GPR155: variants seen among roughly 807,000 people sequenced by gnomAD.
The protein encoded by GPR155 is lysosomal cholesterol signaling protein.
GPR155 carries 65 observed loss-of-function variants against 93.1 expected under a neutral mutation model. The ratio of observed to expected loss-of-function variants is 0.70; its 90% CI spans 0.57 to 0.86. The LOEUF is 0.86. Ranked by LOEUF, GPR155 falls within the 40% of genes least tolerant of loss-of-function variation. The pLI is 0.00. For synonymous variants in GPR155, 319 were observed against 360.1 expected (o/e 0.89, Z 1.29); for missense variants, 838 against 1,034.8 (o/e 0.81, Z 2.61).
intron 4 of GPR155, 132 bp downstream of exon 4, chr2:174,470,258 G>A: frequency 1.3e-5 from 9 of 713,044 alleles, no homozygotes; most frequent in Non-Finnish European, 2.0e-5. Context: ...AACCAGCCTG[G>A]GGCAACATAG....
In GPR155 at chr2:174,433,795, CTG is replaced by C. The variant is rs1168854428; in HGVS notation, c.*2319_*2320del. On this transcript the variant is annotated 3_prime_UTR_variant, in exon 16 of 16. Coordinates refer to ENST00000392552, the MANE Select transcript of GPR155 (RefSeq NM_152529.7). ...ATCTTGGACTTCACAGCCTCCAAAA[CTG>C]TGAGAAATAAGTTTATGTTGTTTAT... 6.6e-6 allele frequency: 1 copy of C among 152,106 alleles called. No individual in the cohort carries two copies. The highest frequency in any genetic ancestry group is 2.4e-5 in the African/African-American group (1 of 41,402). 9.4% of individuals were successfully genotyped at this position (152,106 alleles called of 1,614,324 possible). A position where few individuals can be genotyped will look rare whatever the true frequency, so the allele number is the denominator to read the frequency against.
rs150606678 is a variant in GPR155, at chr2:174,482,351, G to A, written c.-31-364C>T. The stretch of plus-strand genomic sequence containing the variant: ...TGATTCTCTCCATCAATTGAGCTCC[G>A]CCTGGTGGATAAGGGCATCGGGCAC... On this transcript the variant is annotated intron_variant, in intron 1 of 15. Coordinates refer to ENST00000392552, the MANE Select transcript of GPR155 (RefSeq NM_152529.7). Among the ~76,000 whole-genome samples, 1,151 of 152,196 alleles carry A rather than the reference G, an allele frequency of 7.6e-3. 14 individuals carry two copies. Among genetic ancestry groups the A allele is most frequent in the African/African-American group, 0.026 (1,065 of 41,526 alleles).
At chr2:174,460,154 AT>A (rs11385015) in intron 9 of GPR155, 66 bp from the exon 10 acceptor site, 85,240 of 392,520 alleles carry the variant, frequency 0.22, 826 homozygotes, top group Middle Eastern at 0.26. Flanking sequence ...CTTAGGGCAC[AT>A]TTTTTTTTTT....
At chr2:174,462,530 A>T (rs1258492115) in intron 7 of GPR155, among the ~76,000 whole-genome samples, 5 of 152,190 alleles carry the variant, frequency 3.3e-5, no homozygotes, top group African/African-American at 1.2e-4. Context: ...GCTGGTCTTG[A>T]ACTGCTGGCC....
intron 11 of GPR155, among the ~76,000 whole-genome samples, chr2:174,448,033 C>G (rs766762859): frequency 5.9e-5 from 9 of 151,980 alleles, no homozygotes; most frequent in Non-Finnish European, 1.2e-4. Context: ...GCCTTAACCC[C>G]TGCCTTTCAC....
intron 11 of GPR155, among the ~76,000 whole-genome samples, chr2:174,449,868 C>T (rs1405971439): frequency 2.6e-5 from 4 of 152,010 alleles, no homozygotes; most frequent in Non-Finnish European, 4.4e-5. Context: ...CCCAGCTACT[C>T]GGGAGGCTGA....
intron 5 of GPR155, among the ~76,000 whole-genome samples, 192 bp downstream of exon 5, chr2:174,468,720 C>T (rs1230353901): frequency 6.6e-6 from 1 of 152,178 alleles, no homozygotes; most frequent in Non-Finnish European, 1.5e-5. Context: ...CATGTCTTGT[C>T]TGCTATAGAA....
chr2:174,473,976 C>T (rs1464469749), intron 2 of GPR155, among the ~76,000 whole-genome samples: 1 of 152,096 alleles, frequency 6.6e-6, no homozygotes, highest in Non-Finnish European at 1.5e-5. Flanking sequence ...TAAATATTTT[C>T]CAGATGACAA....
intron 6 of GPR155, 142 bp downstream of exon 6, chr2:174,466,402 A>G: frequency 1.0e-5 from 6 of 588,592 alleles, no homozygotes; most frequent in Non-Finnish European, 1.5e-5. Flanking sequence ...GGCGTATAGT[A>G]GTTGTAATCA....
intron 2 of GPR155, among the ~76,000 whole-genome samples, chr2:174,477,319 CAA>C (rs1688195662): frequency 6.6e-6 from 1 of 151,974 alleles, no homozygotes; most frequent in African/African-American, 2.4e-5. Context: ...GATGAGAACA[CAA>C]AATCTATTCT....
chr2:174,435,899 T>G lies in GPR155; in HGVS notation c.*217A>C. On this transcript the variant is annotated 3_prime_UTR_variant, in exon 16 of 16. Coordinates refer to ENST00000392552, the MANE Select transcript of GPR155 (RefSeq NM_152529.7). ...TTCATTATCAGAACTTTAATTTGGT[T>G]TTCTCTTTTTCCTAAGTCAGCTTCC... 1.9e-6 allele frequency: 1 copy of G among 522,810 alleles called. No individual in the cohort carries two copies. The highest frequency in any genetic ancestry group is 3.0e-5 in the East Asian group (1 of 32,830). 32.4% of individuals were successfully genotyped at this position (522,810 alleles called of 1,614,324 possible). A position where few individuals can be genotyped will look rare whatever the true frequency, so the allele number is the denominator to read the frequency against.
chr2:174,460,108 A>G lies in GPR155; in HGVS notation c.1561-20T>C, dbSNP rs774909118. On this transcript the variant is annotated intron_variant, in intron 9 of 15. Coordinates refer to ENST00000392552, the MANE Select transcript of GPR155 (RefSeq NM_152529.7). ...GATCATCTGCCGACATGAAAAAAAG[A>G]TATCAGGCCACTTTTCACAACTTCA... 3.2e-6 allele frequency: 5 copies of G among 1,573,972 alleles called. No individual in the cohort carries two copies. Among genetic ancestry groups the G allele is most frequent in the African/African-American group, 2.7e-5 (2 of 72,810 alleles).
intron 10 of GPR155, among the ~76,000 whole-genome samples, chr2:174,456,364 G>A (rs1360338200): frequency 1.3e-5 from 2 of 151,692 alleles, no homozygotes; most frequent in Non-Finnish European, 2.9e-5. Context: ...GAGTGCAGTG[G>A]TGCACTCTTG....
chr2:174,457,791 C>T (rs1687563245), intron 10 of GPR155, among the ~76,000 whole-genome samples: 1 of 152,118 alleles, frequency 6.6e-6, no homozygotes, highest in Admixed American at 6.6e-5. Flanking sequence ...ACGTCTATTG[C>T]CCAGGCTGGA....
Position 174,473,122 on chromosome 2 carries a change from G to C in GPR155, c.703C>G (p.Arg235Gly), listed in dbSNP as rs375197307. The C allele has an allele frequency of 4.3e-6, 7 of 1,610,122 alleles. No individual in the cohort carries two copies. Among genetic ancestry groups the C allele is most frequent in the African/African-American group, 1.3e-5 (1 of 74,540 alleles). ...TTTTCGACATATACAGGTACCTTTC[G>C]ATCAAGAATAAAATTGAAGGCGATG... The part of the protein sequence containing the change: ...IGIAFNFILD[R>G]KVPVYVENFL... The change falls in exon 3 of 16, where the codon CGA becomes GGA. Residue 235 changes from arginine (R) to glycine (G), a missense_variant. This residue lies in a region of GPR155 where 663 missense variants were observed against 790.1 expected (regional missense o/e 0.84). Coordinates refer to ENST00000392552, the MANE Select transcript of GPR155 (RefSeq NM_152529.7).
In GPR155 at chr2:174,432,706, AG is replaced by A. The variant is rs1372615346; in HGVS notation, c.*3409del. Reference sequence around the variant, plus strand: ...CAACTTAAAATTGGTATAGGTTAATAGTACACTAAAGTATAATTTATTTGTT... The same window carrying A: ...CAACTTAAAATTGGTATAGGTTAATATACACTAAAGTATAATTTATTTGTT... On this transcript the variant is annotated 3_prime_UTR_variant, in exon 16 of 16. Transcript: ENST00000392552. 1 of 151,900 alleles carries A rather than the reference AG, an allele frequency of 6.6e-6. No homozygotes were observed. Among genetic ancestry groups the A allele is most frequent in the Non-Finnish European group, 1.5e-5 (1 of 67,974 alleles). The allele number at this position is 151,900 out of a possible 1,614,324, so 9.4% of individuals were successfully genotyped here. A position where few individuals can be genotyped will look rare whatever the true frequency, so the allele number is the denominator to read the frequency against.
At chr2:174,436,784 T>TAAG (rs1686798503) in intron 15 of GPR155, among the ~76,000 whole-genome samples, 2 of 152,242 alleles carry the variant, frequency 1.3e-5, no homozygotes, top group African/African-American at 4.8e-5. Flanking sequence ...TTAGTTATAC[T>TAAG]AAGTAATTTG....
intron 3 of GPR155, 81 bp from the exon 4 acceptor site, chr2:174,470,636 C>T: frequency 4.7e-6 from 6 of 1,273,976 alleles, no homozygotes; most frequent in Non-Finnish European, 6.6e-6. Flanking sequence ...GTGAATTTGG[C>T]ATCAGGTTCT....
At chr2:174,459,074 C>T (rs1165158189) in intron 10 of GPR155, among the ~76,000 whole-genome samples, 1 of 152,046 alleles carries the variant, frequency 6.6e-6, no homozygotes, top group Non-Finnish European at 1.5e-5. Flanking sequence ...CAGAGCGAGA[C>T]TCTGTGGCAA....
Sources: allele counts gnomAD v4.1 joint callset (sites outside exome capture counted in the v4.1 genomes callset), GRCh38; gene constraint gnomAD v4.1.1; regional missense constraint gnomAD v4.1.1; transcripts MANE v1.5; gene names NCBI Gene and HGNC (gene_info 2026-07-23, HGNC 2026-07-21).